The following FARS2 variants were observed in gnomAD, a reference collection of about 807,000 sequenced individuals.
FARS2 encodes phenylalanyl-tRNA synthetase 2, mitochondrial.
FARS2 carries 40 observed loss-of-function variants against 46.4 expected under a neutral mutation model. That is an observed-to-expected ratio of 0.86 (90% CI 0.67 to 1.12). The LOEUF is 1.12. FARS2 is among the 50% of genes most tolerant of loss of function. FARS2 has a pLI of 0.00. For synonymous variants in FARS2, 234 were observed against 214.9 expected (o/e 1.09, Z -0.78); for missense variants, 513 against 567.9 (o/e 0.90, Z 0.98).
chr6:5,431,360 C>T (rs944932117), intron 4 of FARS2, among the ~76,000 whole-genome samples, 188 bp downstream of exon 4: 17 of 152,070 alleles, frequency 1.1e-4, no homozygotes, highest in African/African-American at 3.6e-4. Context: ...TTCTCACATC[C>T]GTATTTGCAA....
intron 5 of FARS2, chr6:5,609,680 A>T: frequency 7.7e-7 from 1 of 1,294,440 alleles, no homozygotes; most frequent in Non-Finnish European, 1.1e-6. Flanking sequence ...GTGGCCATTC[A>T]CAGGATGGCA....
chr6:5,756,284 C>T (rs1156312208), intron 6 of FARS2, among the ~76,000 whole-genome samples: 2 of 152,212 alleles, frequency 1.3e-5, no homozygotes, highest in Admixed American at 1.3e-4. Flanking sequence ...TCCTCAGCTA[C>T]CTACTTTTTT....
At chr6:5,478,754 T>C (rs1476730178) in intron 4 of FARS2, among the ~76,000 whole-genome samples, 3 of 152,132 alleles carry the variant, frequency 2.0e-5, no homozygotes, top group African/African-American at 7.2e-5. Context: ...TCGGGCTGTG[T>C]ATACCTAGTC....
rs150270831 is a variant in FARS2 at position 5,483,096 on chromosome 6, A to G, written c.904+51924A>G. Among the ~76,000 whole-genome samples the G allele has an allele frequency of 7.2e-5, 11 of 152,254 alleles. No individual in the cohort carries two copies. The East Asian group carries it at 1.2e-3, about 16-fold the overall frequency. On this transcript the variant is annotated intron_variant, in intron 4 of 6. Transcript: ENST00000274680. The stretch of plus-strand genomic sequence containing the variant: ...CATTATGGAATGGCAGCCCTCAAAT[A>G]AGGAGGGATGGGAGCTGGTGGATAG...
chr6:5,251,937 T>TA, the FARS2 span, among the ~76,000 whole-genome samples: 4 of 152,176 alleles, frequency 2.6e-5, no homozygotes, highest in Admixed American at 2.0e-4. Context: ...GGTAATATAT[T>TA]AAAGAGTTCC....
chr6:5,692,334 C>CCCCTTCTA (rs1319645423), intron 6 of FARS2, among the ~76,000 whole-genome samples: 1 of 152,204 alleles, frequency 6.6e-6, no homozygotes, highest in African/African-American at 2.4e-5. Context: ...TGGCTCCACC[C>CCCCTTCTA]CCCTTCTATG....
intron 4 of FARS2, among the ~76,000 whole-genome samples, chr6:5,533,086 A>G (rs1390688036): frequency 6.6e-6 from 1 of 152,152 alleles, no homozygotes; most frequent in Non-Finnish European, 1.5e-5. Context: ...AAATAGAAAG[A>G]CAGAATGTTG....
rs983692156 is a variant in FARS2 at position 5,537,578 on chromosome 6, T to C, written c.905-7602T>C. Among the ~76,000 whole-genome samples, 3 of 142,920 alleles carry C rather than the reference T, an allele frequency of 2.1e-5. No homozygotes were observed. The East Asian group carries it at 6.1e-4, about 29-fold the overall frequency. The allele number at this position is 142,920 out of a possible 152,430, so 93.8% of individuals were successfully genotyped here. A position where few individuals can be genotyped will look rare whatever the true frequency, so the allele number is the denominator to read the frequency against. On this transcript the variant is annotated intron_variant, in intron 4 of 6. Coordinates refer to ENST00000274680, the MANE Select transcript of FARS2 (RefSeq NM_006567.5). ...GAGATGTCCCGGGCTTCCTCTCGAG[T>C]TGGAGATGTCCCGGGCTTCCTCTCG...
chr6:5,406,390 T>A (rs1761597704), intron 3 of FARS2, among the ~76,000 whole-genome samples: 1 of 152,228 alleles, frequency 6.6e-6, no homozygotes, highest in South Asian at 2.1e-4. Flanking sequence ...AACATCTTCA[T>A]TGTCCCCAGG....
chr6:5,490,816 C>A (rs993162942), intron 4 of FARS2, among the ~76,000 whole-genome samples: 2 of 152,210 alleles, frequency 1.3e-5, no homozygotes, highest in East Asian at 3.8e-4. Context: ...GAAACTGGTA[C>A]TGCCTACTCA....
At chr6:5,710,847 ATG>A (rs1341791458) in intron 6 of FARS2, among the ~76,000 whole-genome samples, 1 of 152,182 alleles carries the variant, frequency 6.6e-6, no homozygotes, top group East Asian at 1.9e-4. Flanking sequence ...CTCTGAGCTC[ATG>A]TGCATCAGGG....
Position 5,630,309 on chromosome 6 carries a change from T to A in FARS2, c.1217+16989T>A, listed in dbSNP as rs1391279789. Among the ~76,000 whole-genome samples, 1 of 152,128 alleles carries A rather than the reference T, an allele frequency of 6.6e-6. No individual in the cohort carries two copies. Among genetic ancestry groups the A allele is most frequent in the East Asian group, 1.9e-4 (1 of 5,184 alleles). On this transcript the variant is annotated intron_variant, in intron 6 of 6. Coordinates refer to ENST00000274680, the MANE Select transcript of FARS2 (RefSeq NM_006567.5). The surrounding 1 kb of genome is among the most constrained non-coding windows in gnomAD (Gnocchi z 4.2). ...GTCTCTTGCAGGAGTGAGACTGTAG[T>A]GTCATCAGAAAACAAGCGCAGACCA...
intron 1 of FARS2, among the ~76,000 whole-genome samples, chr6:5,361,133 A>G (rs1215227121): frequency 1.3e-5 from 2 of 152,210 alleles, no homozygotes; most frequent in Admixed American, 6.5e-5. Context: ...TATGATATGC[A>G]TGTGTTTATA....
intron 6 of FARS2, among the ~76,000 whole-genome samples, chr6:5,767,766 T>C (rs970971065): frequency 6.6e-6 from 1 of 152,208 alleles, no homozygotes; most frequent in East Asian, 1.9e-4. Context: ...ACAAAACTGG[T>C]GCATAAATGT....
chr6:5,584,770 T>G (rs1773526163), intron 5 of FARS2, among the ~76,000 whole-genome samples: 1 of 152,198 alleles, frequency 6.6e-6, no homozygotes, highest in Non-Finnish European at 1.5e-5. Flanking sequence ...AAAGCTACTT[T>G]ATTCATCATC....
chr6:5,251,335 T>G, the FARS2 span, among the ~76,000 whole-genome samples: 2 of 151,830 alleles, frequency 1.3e-5, no homozygotes, highest in Non-Finnish European at 2.9e-5. Context: ...AGGGTGGTAT[T>G]TGAATTAGTC....
chr6:5,761,038 A>G (rs1240357339), intron 6 of FARS2, among the ~76,000 whole-genome samples: 3 of 152,312 alleles, frequency 2.0e-5, no homozygotes, highest in African/African-American at 7.2e-5. Context: ...AGGGGAAATA[A>G]TACAATGAAT....
chr6:5,379,435 T>C (rs1219220025), intron 2 of FARS2, among the ~76,000 whole-genome samples: 1 of 152,114 alleles, frequency 6.6e-6, no homozygotes, highest in Non-Finnish European at 1.5e-5. Flanking sequence ...ACTTGGGTAA[T>C]CAGGGATTGG....
chr6:5,496,285 C>G (rs1469881844), intron 4 of FARS2, among the ~76,000 whole-genome samples: 1 of 152,062 alleles, frequency 6.6e-6, no homozygotes, highest in East Asian at 1.9e-4. Context: ...GTTGATGACT[C>G]TAGTGTTGAT....
Sources: gnomAD v4.1 joint callset for allele counts (sites outside exome capture counted in the v4.1 genomes callset) on GRCh38, gnomAD v4.1.1 for gene constraint, Gnocchi (gnomAD v3.1) non-coding constraint, MANE v1.5 for transcripts, NCBI Gene and HGNC (gene_info 2026-07-23, HGNC 2026-07-21) for gene names.